The following FGL1 variants were observed in gnomAD, a reference collection of about 807,000 sequenced individuals.
The protein encoded by FGL1 is fibrinogen like 1.
A neutral mutation model predicts 43.7 loss-of-function variants in FGL1; 59 were observed. The observed-to-expected ratio is 1.35, with a 90% CI of 1.10 to 1.68. The LOEUF (loss-of-function observed/expected upper bound fraction) is 1.68. FGL1 is among the 40% of genes most tolerant of loss of function. The pLI is 0.00. For missense variants in FGL1, 596 were observed against 373.0 expected, an observed-to-expected ratio of 1.60 and a Z score of -4.92; for synonymous variants, 192 against 126.5, an observed-to-expected ratio of 1.52 and a Z score of -3.48.
rs1197431585 is a variant in FGL1 at position 17,875,537 on chromosome 8, CTTTCTT to C, written c.245-1022_245-1017del. On this transcript the variant is annotated intron_variant, in intron 3 of 7. Transcript: ENST00000427924. ...TTTCTTTCTTTCTTTCTTTCTTTCTCTTTCTTTCTTTCTTTCTTTCTTTCTTTCTTT... is the reference window on the plus strand; with the variant it reads ...TTTCTTTCTTTCTTTCTTTCTTTCTCTCTTTCTTTCTTTCTTTCTTTCTTT... Among the ~76,000 whole-genome samples the C allele has an allele frequency of 2.8e-3, 34 of 12,232 alleles. 2 individuals are homozygous for C. Among genetic ancestry groups the C allele is most frequent in the African/African-American group, 2.9e-3 (12 of 4,118 alleles). The allele number at this position is 12,232 out of a possible 152,430, so 8.0% of individuals were successfully genotyped here.
chr8:17,866,738 G>A (rs1369256202), intron 7 of FGL1, among the ~76,000 whole-genome samples: 2 of 152,162 alleles, frequency 1.3e-5, no homozygotes, highest in South Asian at 4.1e-4. Flanking sequence ...CAGTCAGCTG[G>A]ATAAAGTACA....
At chr8:17,882,997 T>G (rs1334697929) in intron 2 of FGL1, among the ~76,000 whole-genome samples, 3 of 97,560 alleles carry the variant, frequency 3.1e-5, no homozygotes, top group Admixed American at 1.5e-4. Flanking sequence ...ATATATCATA[T>G]GTAATATATT....
intron 1 of FGL1, chr8:17,891,403 T>C (rs1187018899): frequency 6.6e-6 from 1 of 152,242 alleles, no homozygotes; most frequent in East Asian, 1.9e-4. Context: ...TATCACTCTA[T>C]TCTCTGATAC....
chr8:17,892,187 GA>G (rs2053714974), intron 1 of FGL1, among the ~76,000 whole-genome samples: 1 of 151,618 alleles, frequency 6.6e-6, no homozygotes, highest in Non-Finnish European at 1.5e-5. Flanking sequence ...TAGCATAAAG[GA>G]AAAAAATAAA....
At chr8:17,885,333 G>A (rs2053611812) in intron 2 of FGL1, among the ~76,000 whole-genome samples, 159 bp downstream of exon 2, 1 of 152,134 alleles carries the variant, frequency 6.6e-6, no homozygotes, top group South Asian at 2.1e-4. Context: ...TTAAAGTGCT[G>A]CTTTACTATG....
At chr8:17,885,065 G>T (rs1299327822) in intron 2 of FGL1, among the ~76,000 whole-genome samples, 1 of 150,120 alleles carries the variant, frequency 6.7e-6, no homozygotes, top group Non-Finnish European at 1.5e-5. Context: ...TTTTGAGATG[G>T]AGTCTCACTC....
chr8:17,890,645 G>C (rs964085097), intron 1 of FGL1, among the ~76,000 whole-genome samples: 2 of 152,056 alleles, frequency 1.3e-5, no homozygotes, highest in African/African-American at 4.8e-5. Flanking sequence ...AATTTACCCA[G>C]TAAAGATCTG....
chr8:17,868,986 A>G lies in FGL1; in HGVS notation c.521T>C (p.Ile174Thr). 1 of 1,603,226 alleles carries G rather than the reference A, an allele frequency of 6.2e-7. No individual in the cohort carries two copies. Among genetic ancestry groups the G allele is most frequent in the Non-Finnish European group, 8.5e-7 (1 of 1,175,506 alleles). The change falls in exon 6 of 8, where the codon ATC (isoleucine) becomes ACC (threonine). Residue 174 changes from isoleucine (I) to threonine (T), a missense_variant. Ile to Thr is a moderately conservative substitution (Grantham distance 89). Transcript: ENST00000427924. Reference protein sequence around the residue: ...LTTQEDYTLKIDLADFEKNSR... With the variant: ...LTTQEDYTLKTDLADFEKNSR... ...ATTTTTTTCAAAATCTGCAAGGTCG[A>G]TTTTTAAAGTGTAGTCTTCTAAAAA...
At chr8:17,882,400 T>C in intron 2 of FGL1, 1 of 412,814 alleles carries the variant, frequency 2.4e-6, no homozygotes, top group South Asian at 3.7e-5. Context: ...AAAGATCAAA[T>C]AATATAAAAT....
Position 17,864,513 on chromosome 8 carries a change from T to A in FGL1, c.*79A>T, listed in dbSNP as rs956604691. On this transcript the variant is annotated 3_prime_UTR_variant, in exon 8 of 8. Transcript: ENST00000427924. ...TCACAACAGTTATCATGATTGCGCA[T>A]GGATATGTTCAGAATGAGTATTTTT... 7.0e-7 allele frequency: 1 copy of A among 1,431,434 alleles called. No homozygotes were observed. Among genetic ancestry groups the A allele is most frequent in the Admixed American group, 2.3e-5 (1 of 43,810 alleles). 88.7% of individuals were successfully genotyped at this position (1,431,434 alleles called of 1,614,324 possible). A position where few individuals can be genotyped will look rare whatever the true frequency, so the allele number is the denominator to read the frequency against.
intron 2 of FGL1, 64 bp downstream of exon 2, chr8:17,885,428 T>A: frequency 7.1e-7 from 1 of 1,407,488 alleles, no homozygotes; most frequent in Non-Finnish European, 9.9e-7. Flanking sequence ...TAATGCAAAA[T>A]GAAAGAAAAT....
intron 1 of FGL1, among the ~76,000 whole-genome samples, chr8:17,889,740 T>C (rs916484856): frequency 1.6e-4 from 25 of 152,230 alleles, no homozygotes; most frequent in African/African-American, 5.8e-4. Flanking sequence ...TATTGCCTGG[T>C]TAATCCTTTC....
chr8:17,888,087 G>A (rs1170024248), intron 1 of FGL1, among the ~76,000 whole-genome samples: 1 of 151,808 alleles, frequency 6.6e-6, no homozygotes, highest in Non-Finnish European at 1.5e-5. Context: ...AATAGTAGAT[G>A]TTTTTATATG....
chr8:17,884,925 G>A (rs1168829342), intron 2 of FGL1, among the ~76,000 whole-genome samples: 1 of 151,940 alleles, frequency 6.6e-6, no homozygotes, highest in Non-Finnish European at 1.5e-5. Flanking sequence ...AAAGCTCAAG[G>A]TTAATTTTAA....
intron 3 of FGL1, among the ~76,000 whole-genome samples, chr8:17,878,318 T>A (rs1418420158): frequency 6.6e-6 from 1 of 152,228 alleles, no homozygotes; most frequent in Non-Finnish European, 1.5e-5. Context: ...CTTATTCTCA[T>A]TCTTCAGATG....
In FGL1 at chr8:17,868,529, T is replaced by C. The variant is rs1415222736; in HGVS notation, c.779+19A>G. On this transcript the variant is annotated intron_variant, in intron 7 of 7. Coordinates refer to ENST00000427924, the MANE Select transcript of FGL1 (RefSeq NM_004467.4). ...GATATCATCAACTCCATTACAACTA[T>C]GCTCATAAGACATCAAACCTGTTAA... The C allele has an allele frequency of 3.1e-6, 5 of 1,588,562 alleles. No individual in the cohort carries two copies. Among genetic ancestry groups the C allele is most frequent in the Non-Finnish European group, 4.3e-6 (5 of 1,167,124 alleles).
At chr8:17,885,167 A>T (rs2053609391) in intron 2 of FGL1, among the ~76,000 whole-genome samples, 2 of 151,874 alleles carry the variant, frequency 1.3e-5, no homozygotes, top group African/African-American at 2.4e-5. Context: ...CAGCCTCACG[A>T]GTAGCTAGGA....
chr8:17,893,814 A>G (rs988385626), intron 1 of FGL1, among the ~76,000 whole-genome samples: 1 of 147,430 alleles, frequency 6.8e-6, no homozygotes, highest in Admixed American at 6.7e-5. Flanking sequence ...TCCATCATTC[A>G]TTATAGTAAA....
At chr8:17,891,638 C>T (rs568326787) in intron 1 of FGL1, 39 of 978,990 alleles carry the variant, frequency 4.0e-5, no homozygotes, top group African/African-American at 3.8e-4. Flanking sequence ...CACAGGTACT[C>T]GACAAAATAT....
Sources: gnomAD v4.1 joint callset for allele counts (sites outside exome capture counted in the v4.1 genomes callset) on GRCh38, gnomAD v4.1.1 for gene constraint, MANE v1.5 for transcripts, NCBI Gene and HGNC (gene_info 2026-07-23, HGNC 2026-07-21) for gene names.